The following SPEN variants were observed in gnomAD, a reference collection of about 807,000 sequenced individuals.
SPEN encodes msx2-interacting protein.
SPEN carries 18 observed loss-of-function variants against 269.9 expected under a neutral mutation model. The observed-to-expected ratio is 0.07, with a 90% CI of 0.05 to 0.10. The LOEUF is 0.10. SPEN is among the 10% of genes least tolerant of loss of function. The pLI is 1.00. For missense variants in SPEN, 3,822 were observed against 4,631.2 expected (o/e 0.83, Z 5.07); for synonymous variants, 1,726 against 1,765.7 (o/e 0.98, Z 0.56).
chr1:15,928,245 T>C lies in SPEN; in HGVS notation c.2005T>C (p.Tyr669His), dbSNP rs754087284. 2 of 1,614,194 alleles carry C rather than the reference T, an allele frequency of 1.2e-6. No homozygotes were observed. Among genetic ancestry groups the C allele is most frequent in the Admixed American group, 1.7e-5 (1 of 60,032 alleles). The change falls in exon 11 of 15, where the codon TAT becomes CAT. Residue 669 changes from tyrosine to histidine, a missense_variant. By Grantham distance (83) the Tyr-to-His change is moderately conservative (BLOSUM62 2). This residue lies in a region of SPEN where 572 missense variants were observed against 582.6 expected (regional missense o/e 0.98). Transcript: ENST00000375759. This position sits in a 1 kb window ranked among gnomAD's most constrained non-coding sequence, Gnocchi z 5.7. ...ATGGGAAACTTACCAAGGAGACTAC[T>C]ATGAATCACGATACTACGATGATCC... The part of the protein sequence containing the change: ...SEWETYQGDY[Y>H]ESRYYDDPRE...
chr1:15,937,710 A>G lies in SPEN; in HGVS notation c.10509+65A>G. ...TTTATGCCATGTCAAATGTCCTAAG[A>G]TTCCCTAGTTAACAGACCCACAAGC... On this transcript the variant is annotated intron_variant, in intron 12 of 14. Coordinates refer to ENST00000375759, the MANE Select transcript of SPEN (RefSeq NM_015001.3). This position sits in a 1 kb window ranked among gnomAD's most constrained non-coding sequence, Gnocchi z 5.7. 6.2e-7 allele frequency: 1 copy of G among 1,606,404 alleles called. No homozygotes were observed. The highest frequency in any genetic ancestry group is 8.5e-7 in the Non-Finnish European group (1 of 1,175,124).
chr1:15,928,283 G>A lies in SPEN; in HGVS notation c.2043G>A (p.Arg681=), dbSNP rs756995683. The A allele has an allele frequency of 1.1e-5, 17 of 1,614,122 alleles. No homozygotes were observed. The highest frequency in any genetic ancestry group is 3.3e-4 in the Middle Eastern group (2 of 6,062). ...ACTACGATGATCCTCGGGAATACAG[G>A]GATTACAGGAATGATCCTTATGAAC... is the stretch of plus-strand genomic sequence containing the variant. ...SRYYDDPREY[R]DYRNDPYEQD... is the part of the protein sequence containing the mutation. Residue 681 remains arginine, a synonymous_variant, in exon 11 of 15, where the codon AGG becomes AGA. Transcript: ENST00000375759. This position sits in a 1 kb window ranked among gnomAD's most constrained non-coding sequence, Gnocchi z 5.7.
At chr1:15,884,927 A>G (rs2070722325) in intron 3 of SPEN, among the ~76,000 whole-genome samples, 1 of 151,994 alleles carries the variant, frequency 6.6e-6, no homozygotes, top group Non-Finnish European at 1.5e-5. Flanking sequence ...GGTTTTCGCC[A>G]TGTTGACCAC....
In SPEN at chr1:15,848,241, G is replaced by A; in HGVS notation, c.83+91G>A. ...CCGGCCCCTCCCGGAGCGCGGAGCTGGTGAGGAGGACTCCGGCCCGGACCC... is the reference window on the plus strand; with the variant it reads ...CCGGCCCCTCCCGGAGCGCGGAGCTAGTGAGGAGGACTCCGGCCCGGACCC... On this transcript the variant is annotated intron_variant, in intron 1 of 14. Transcript: ENST00000375759. This position sits in a 1 kb window ranked among gnomAD's most constrained non-coding sequence, Gnocchi z 5.1. 1.1e-6 allele frequency: 1 copy of A among 930,168 alleles called. No individual in the cohort carries two copies. Among genetic ancestry groups the A allele is most frequent in the Non-Finnish European group, 1.5e-6 (1 of 663,858 alleles). 57.6% of individuals were successfully genotyped at this position (930,168 alleles called of 1,614,324 possible).
intron 4 of SPEN, among the ~76,000 whole-genome samples, chr1:15,910,126 A>T (rs1455406498): frequency 2.3e-4 from 18 of 78,706 alleles, no homozygotes; most frequent in African/African-American, 3.8e-4. Flanking sequence ...TCTGTCTCTA[A>T]AAAAAAAAAA....
At chr1:15,913,490 C>G (rs1260223019) in intron 5 of SPEN, among the ~76,000 whole-genome samples, 1 of 152,044 alleles carries the variant, frequency 6.6e-6, no homozygotes, top group African/African-American at 2.4e-5. Context: ...GGGTCTCACT[C>G]TGTTGCCACC....
chr1:15,859,358 C>CT (rs143092339), intron 1 of SPEN, among the ~76,000 whole-genome samples: 53,290 of 115,416 alleles, frequency 0.46, 13,261 homozygotes, highest in East Asian at 0.68. Flanking sequence ...TTTTTCTTTT[C>CT]TTTTTTTTTT....
At chr1:15,901,332 A>T (rs2070897384) in intron 3 of SPEN, among the ~76,000 whole-genome samples, 2 of 151,268 alleles carry the variant, frequency 1.3e-5, no homozygotes, top group African/African-American at 4.9e-5. Flanking sequence ...AAAAATAAAA[A>T]AATAAAAAAT....
In SPEN at chr1:15,935,591, T is replaced by G. The variant is rs780691107; in HGVS notation, c.9351T>G (p.Leu3117=). 9 of 1,614,030 alleles carry G rather than the reference T, an allele frequency of 5.6e-6. 1 individual carries two copies. In the South Asian group the frequency reaches 9.9e-5, roughly 18 times the overall value. Residue 3117 remains leucine, a synonymous_variant, in exon 11 of 15, where the codon CTT becomes CTG. Transcript: ENST00000375759. This position sits in a 1 kb window ranked among gnomAD's most constrained non-coding sequence, Gnocchi z 7.7. ...CCTACAGCATCCGGCCAGAAGCGCT[T>G]CACTCTCCTCGGGCTCCGCTGCAGC... ...SITYSIRPEA[L]HSPRAPLQPQ...
chr1:15,872,614 A>AG (rs1183321377), intron 1 of SPEN, among the ~76,000 whole-genome samples: 1 of 151,762 alleles, frequency 6.6e-6, no homozygotes, highest in Non-Finnish European at 1.5e-5. Context: ...AAAAAAAAAA[A>AG]AGAAATGAGA....
intron 3 of SPEN, among the ~76,000 whole-genome samples, chr1:15,894,266 C>A (rs992752276): frequency 2.0e-5 from 3 of 152,078 alleles, no homozygotes; most frequent in Admixed American, 2.0e-4. Flanking sequence ...TTTTTTGTCT[C>A]TTAAATAAAG....
At chr1:15,898,802 A>G (rs2070867789) in intron 3 of SPEN, among the ~76,000 whole-genome samples, 1 of 152,076 alleles carries the variant, frequency 6.6e-6, no homozygotes, top group South Asian at 2.1e-4. Flanking sequence ...ATCTCAGGTG[A>G]TCCGTCCACC....
chr1:15,923,956 C>G (rs2148735589), intron 10 of SPEN, among the ~76,000 whole-genome samples: 1 of 152,344 alleles, frequency 6.6e-6, no homozygotes, highest in Admixed American at 6.5e-5. Context: ...GCGTGAGCCA[C>G]CGCACCCGGC....
chr1:15,899,318 G>A (rs2070875119), intron 3 of SPEN, among the ~76,000 whole-genome samples: 1 of 152,016 alleles, frequency 6.6e-6, no homozygotes, highest in African/African-American at 2.4e-5. Context: ...GGGACTACAG[G>A]CACATACCAC....
chr1:15,884,972 C>T lies in SPEN; in HGVS notation c.881+8294C>T, dbSNP rs139031077. On this transcript the variant is annotated intron_variant, in intron 3 of 14. Transcript: ENST00000375759. ...TTTCAAATTCCTGGCCTCAAGTGAT[C>T]CACCTGCCTCCGCCTCCCAAAGTGC... Among the ~76,000 whole-genome samples the T allele has an allele frequency of 3.9e-4, 59 of 152,246 alleles. No homozygotes were observed. In the East Asian group the frequency reaches 0.01, roughly 26 times the overall value.
Position 15,937,404 on chromosome 1 carries a change from A to G in SPEN, c.10268A>G (p.Gln3423Arg). Residue 3423 changes from glutamine to arginine, a missense_variant, in exon 12 of 15, where the codon CAA (glutamine) becomes CGA (arginine). Gln to Arg is a conservative substitution (Grantham distance 43). Coordinates refer to ENST00000375759, the MANE Select transcript of SPEN (RefSeq NM_015001.3). The surrounding 1 kb of genome is among the most constrained non-coding windows in gnomAD (Gnocchi z 5.7). The stretch of plus-strand genomic sequence containing the variant: ...CCTCACACCCAGGTTCAGAGGGCAC[A>G]AGCAGAAACAGGCCCGACTTCCTTC... ...PEPHTQVQRA[Q>R]AETGPTSFPS... is the part of the protein sequence containing the mutation. The G allele has an allele frequency of 6.2e-7, 1 of 1,613,748 alleles. No individual in the cohort carries two copies. Among genetic ancestry groups the G allele is most frequent in the Non-Finnish European group, 8.5e-7 (1 of 1,180,002 alleles).
At chr1:15,886,995 T>C (rs954020627) in intron 3 of SPEN, among the ~76,000 whole-genome samples, 2 of 152,198 alleles carry the variant, frequency 1.3e-5, no homozygotes, top group African/African-American at 4.8e-5. Flanking sequence ...TGGTTGATTT[T>C]TGAGATAGGT....
chr1:15,856,693 G>A lies in SPEN; in HGVS notation c.83+8543G>A, dbSNP rs189882285. 6.5e-3 allele frequency among the ~76,000 whole-genome samples: 972 copies of A among 149,728 alleles called. 9 individuals carry two copies. Among genetic ancestry groups the A allele is most frequent in the Middle Eastern group, 0.021 (6 of 292 alleles). On this transcript the variant is annotated intron_variant, in intron 1 of 14. Transcript: ENST00000375759. Reference sequence around the variant, plus strand: ...AGCAATTCTCCTGCCTCAGTTTCTCGAGTAACTGGAATTACAGGCGCCCAC... The same window carrying A: ...AGCAATTCTCCTGCCTCAGTTTCTCAAGTAACTGGAATTACAGGCGCCCAC...
Position 15,931,429 on chromosome 1 carries a change from A to G in SPEN, c.5189A>G (p.Tyr1730Cys), listed in dbSNP as rs1479941778. ...EEGSSGDQPP[Y>C]LDAKPPTPGA... The stretch of plus-strand genomic sequence containing the variant: ...GGTTCATCAGGTGACCAGCCGCCTT[A>G]TCTGGATGCCAAGCCTCCAACTCCC... The change falls in exon 11 of 15, where the codon TAT (tyrosine) becomes TGT (cysteine). Residue 1730 changes from tyrosine to cysteine, a missense_variant. Transcript: ENST00000375759. The surrounding 1 kb of genome is among the most constrained non-coding windows in gnomAD (Gnocchi z 4.8). The G allele has an allele frequency of 6.2e-7, 1 of 1,614,044 alleles. No individual in the cohort carries two copies. The highest frequency in any genetic ancestry group is 1.3e-5 in the African/African-American group (1 of 74,912).
Sources: allele counts gnomAD v4.1 joint callset (sites outside exome capture counted in the v4.1 genomes callset), GRCh38; gene constraint gnomAD v4.1.1; regional missense constraint gnomAD v4.1.1; non-coding constraint Gnocchi (gnomAD v3.1); transcripts MANE v1.5; gene names NCBI Gene and HGNC (gene_info 2026-07-23, HGNC 2026-07-21).